Variants in HS6ST3 observed in about 807,000 individuals in gnomAD.
HS6ST3 encodes the protein heparan sulfate 6-O-sulfotransferase 3, also known as heparan-sulfate 6-O-sulfotransferase 3.
In HS6ST3, 12 loss-of-function variants were observed where a neutral mutation model predicts 36.7. The ratio of observed to expected loss-of-function variants is 0.33; its 90% CI spans 0.21 to 0.53. The LOEUF is 0.53. Among genes scored for constraint, HS6ST3 ranks in the 20% least tolerant of loss-of-function variants. The pLI is 0.95. For missense variants in HS6ST3, 584 were observed against 640.9 expected (o/e 0.91, Z 0.96); for synonymous variants, 240 against 257.5 (o/e 0.93, Z 0.65).
chr13:96,317,375 TA>T (rs1566322206), intron 1 of HS6ST3, among the ~76,000 whole-genome samples: 1 of 2,844 alleles, frequency 3.5e-4, no homozygotes, highest in African/African-American at 1.7e-3. Context: ...TATAAAATTA[TA>T]TATATATATA....
intron 1 of HS6ST3, among the ~76,000 whole-genome samples, chr13:96,542,856 C>T (rs1053704255): frequency 5.9e-5 from 9 of 152,144 alleles, no homozygotes; most frequent in African/African-American, 1.9e-4. Context: ...CATCTTTCAA[C>T]CTATCTTTGT....
intron 1 of HS6ST3, among the ~76,000 whole-genome samples, chr13:96,395,952 G>A (rs974911605): frequency 8.5e-5 from 13 of 152,106 alleles, no homozygotes; most frequent in African/African-American, 3.1e-4. Flanking sequence ...TAGCTATGAG[G>A]AAGTTTGCCT....
intron 1 of HS6ST3, among the ~76,000 whole-genome samples, chr13:96,433,810 G>A (rs1034499163): frequency 4.6e-5 from 7 of 152,184 alleles, no homozygotes; most frequent in South Asian, 2.1e-4. Context: ...TGGCAGGCAC[G>A]TGTAATACCA....
At chr13:96,600,450 G>T (rs1387061073) in intron 1 of HS6ST3, among the ~76,000 whole-genome samples, 1 of 151,400 alleles carries the variant, frequency 6.6e-6, no homozygotes, top group South Asian at 2.1e-4. Flanking sequence ...TTACTGTGCT[G>T]TTTTAAAGTC....
intron 1 of HS6ST3, among the ~76,000 whole-genome samples, chr13:96,804,567 T>C (rs1190084401): frequency 6.6e-6 from 1 of 152,192 alleles, no homozygotes; most frequent in East Asian, 1.9e-4. Flanking sequence ...TTCCTGCTTA[T>C]ATAGGTTCAC....
intron 1 of HS6ST3, among the ~76,000 whole-genome samples, chr13:96,323,829 C>T (rs1253209321): frequency 3.3e-5 from 5 of 152,114 alleles, no homozygotes; most frequent in African/African-American, 1.2e-4. Context: ...ATTTTCTTCC[C>T]ACCACCAGCA....
intron 1 of HS6ST3, among the ~76,000 whole-genome samples, chr13:96,567,940 C>T (rs1004560794): frequency 6.6e-6 from 1 of 152,134 alleles, no homozygotes; most frequent in African/African-American, 2.4e-5. Context: ...ATTTCTCACC[C>T]ACCAGATTGG....
intron 1 of HS6ST3, among the ~76,000 whole-genome samples, chr13:96,546,505 T>C (rs1275115496): frequency 1.3e-5 from 2 of 152,164 alleles, no homozygotes; most frequent in Non-Finnish European, 2.9e-5. Flanking sequence ...CATTCCACTA[T>C]TAATTATGCC....
In HS6ST3 at chr13:96,736,459, A is replaced by C. The variant is rs563856937; in HGVS notation, c.708-96031A>C. ...CTAATCATCAAATAATGTAGTATCA[A>C]AATTCATTATAAACATCATCATAAA... On this transcript the variant is annotated intron_variant, in intron 1 of 1. Transcript: ENST00000376705. Among the ~76,000 whole-genome samples, 12 of 152,354 alleles carry C rather than the reference A, an allele frequency of 7.9e-5. No homozygotes were observed. In the East Asian group the frequency reaches 2.3e-3, roughly 29 times the overall value.
At chr13:96,653,160 T>C (rs1215202135) in intron 1 of HS6ST3, among the ~76,000 whole-genome samples, 4 of 152,100 alleles carry the variant, frequency 2.6e-5, no homozygotes, top group African/African-American at 9.7e-5. Context: ...TTTCTGAGGA[T>C]TGGGAAACCT....
intron 1 of HS6ST3, among the ~76,000 whole-genome samples, chr13:96,221,450 A>G (rs1466647306): frequency 6.6e-6 from 1 of 152,204 alleles, no homozygotes; most frequent in Non-Finnish European, 1.5e-5. Context: ...GGCCTTGAGA[A>G]CAATGCTCAT....
At chr13:96,573,098 C>T (rs887400983) in intron 1 of HS6ST3, among the ~76,000 whole-genome samples, 2 of 152,164 alleles carry the variant, frequency 1.3e-5, no homozygotes, top group African/African-American at 4.8e-5. Flanking sequence ...CCCATTTCTA[C>T]TAACGACTAG....
At chr13:96,543,833 T>C (rs2138943892) in intron 1 of HS6ST3, among the ~76,000 whole-genome samples, 1 of 152,226 alleles carries the variant, frequency 6.6e-6, no homozygotes, top group East Asian at 1.9e-4. Context: ...GCATCTCTTC[T>C]TATGACCTAT....
At chr13:96,476,395 C>T (rs1001572976) in intron 1 of HS6ST3, among the ~76,000 whole-genome samples, 2 of 152,062 alleles carry the variant, frequency 1.3e-5, no homozygotes, top group African/African-American at 4.8e-5. Context: ...TGGAGTCTTC[C>T]TCTGTCACCC....
intron 1 of HS6ST3, among the ~76,000 whole-genome samples, chr13:96,105,572 C>A (rs1464763523): frequency 1.3e-5 from 2 of 152,086 alleles, no homozygotes; most frequent in East Asian, 3.9e-4. Flanking sequence ...ATCATTTGAG[C>A]CCGGGAGGCG....
chr13:96,829,970 T>C (rs914283048), intron 1 of HS6ST3, among the ~76,000 whole-genome samples: 2 of 152,198 alleles, frequency 1.3e-5, no homozygotes, highest in African/African-American at 4.8e-5. Context: ...AGGGCTTGGC[T>C]TGCTATTTTT....
intron 1 of HS6ST3, among the ~76,000 whole-genome samples, chr13:96,187,754 G>A (rs967551019): frequency 2.6e-5 from 4 of 152,142 alleles, no homozygotes; most frequent in Non-Finnish European, 4.4e-5. Flanking sequence ...AGCCAATGCC[G>A]TGTTGGTGTT....
intron 1 of HS6ST3, among the ~76,000 whole-genome samples, chr13:96,359,426 A>C (rs2055226504): frequency 1.3e-5 from 2 of 152,212 alleles, no homozygotes; most frequent in Admixed American, 1.3e-4. Flanking sequence ...CTACTTATGT[A>C]GGTTGATTAA....
intron 1 of HS6ST3, among the ~76,000 whole-genome samples, chr13:96,529,686 T>C (rs2056128020): frequency 6.6e-6 from 1 of 152,204 alleles, no homozygotes; most frequent in South Asian, 2.1e-4. Context: ...GTGCCATAAT[T>C]CATTTATGAT....
Sources: gnomAD v4.1 joint callset for allele counts (sites outside exome capture counted in the v4.1 genomes callset) on GRCh38, gnomAD v4.1.1 for gene constraint, MANE v1.5 for transcripts, NCBI Gene and HGNC (gene_info 2026-07-23, HGNC 2026-07-21) for gene names.